KCNMA1: variants seen among roughly 807,000 people sequenced by gnomAD.
The protein encoded by KCNMA1 is Calcium-activated potassium channel subunit alpha-1.
A neutral mutation model predicts 140.0 loss-of-function variants in KCNMA1; 29 were observed. The observed-to-expected ratio is 0.21, with a 90% CI of 0.15 to 0.28. The LOEUF (loss-of-function observed/expected upper bound fraction) is 0.28, where lower values mean the gene tolerates loss of function less well. KCNMA1 is among the 10% of genes least tolerant of loss of function. The pLI, the probability that KCNMA1 is intolerant of heterozygous loss-of-function variation, is 1.00. For missense variants in KCNMA1, 880 were observed against 1,602.2 expected (o/e 0.55, Z 7.70); for synonymous variants, 612 against 611.9 (o/e 1.00, Z 0.00).
At chr10:77,460,344 A>G (rs1010059905) in intron 1 of KCNMA1, among the ~76,000 whole-genome samples, 2 of 152,190 alleles carry the variant, frequency 1.3e-5, no homozygotes, top group African/African-American at 4.8e-5. Context: ...TTTCTCAAAG[A>G]GCTCAAAATA....
intron 23 of KCNMA1, chr10:76,939,453 C>T (rs1357828771): frequency 6.6e-6 from 1 of 152,196 alleles, no homozygotes; most frequent in African/African-American, 2.4e-5. Flanking sequence ...TTCTCAATTC[C>T]TCAAAATACC....
chr10:77,409,683 A>G (rs533350802), intron 1 of KCNMA1, among the ~76,000 whole-genome samples: 1 of 152,244 alleles, frequency 6.6e-6, no homozygotes, highest in East Asian at 1.9e-4. Flanking sequence ...AGCACAGGAG[A>G]GCAAGCTTGT....
chr10:77,528,281 G>A (rs2056500604), intron 1 of KCNMA1, among the ~76,000 whole-genome samples: 1 of 152,112 alleles, frequency 6.6e-6, no homozygotes, highest in Admixed American at 6.5e-5. Context: ...CATTACCATA[G>A]GATCTAGCAA....
At chr10:76,975,988 A>G (rs2077388787) in intron 19 of KCNMA1, among the ~76,000 whole-genome samples, 1 of 152,142 alleles carries the variant, frequency 6.6e-6, no homozygotes, top group African/African-American at 2.4e-5. Context: ...TCTCAAACAT[A>G]TACACCTCTC....
intron 1 of KCNMA1, among the ~76,000 whole-genome samples, chr10:77,614,464 C>T (rs961408067): frequency 2.0e-5 from 3 of 152,202 alleles, no homozygotes; most frequent in African/African-American, 7.2e-5. Context: ...CGGGGCTCAT[C>T]GCCATCCCTC....
At chr10:77,264,030 G>T (rs949225221) in intron 2 of KCNMA1, among the ~76,000 whole-genome samples, 12 of 152,156 alleles carry the variant, frequency 7.9e-5, no homozygotes, top group African/African-American at 4.8e-5. Context: ...CCCGAATGAA[G>T]TAGAAAGTTT....
At chr10:77,568,808 G>A (rs1410898419) in intron 1 of KCNMA1, among the ~76,000 whole-genome samples, 4 of 151,482 alleles carry the variant, frequency 2.6e-5, no homozygotes, top group Admixed American at 6.6e-5. Context: ...CCTGTTTGCA[G>A]ATGACATGAT....
intron 15 of KCNMA1, among the ~76,000 whole-genome samples, chr10:77,034,513 G>A (rs1326061646): frequency 6.6e-6 from 1 of 152,192 alleles, no homozygotes; most frequent in African/African-American, 2.4e-5. Flanking sequence ...TCTTTTTAAA[G>A]ATCTGTCTGT....
chr10:77,535,608 C>T (rs1269935488), intron 1 of KCNMA1, among the ~76,000 whole-genome samples: 2 of 152,218 alleles, frequency 1.3e-5, no homozygotes, highest in African/African-American at 4.8e-5. Flanking sequence ...TATTGCAGCA[C>T]TCTTCACAAT....
intron 1 of KCNMA1, among the ~76,000 whole-genome samples, chr10:77,500,475 C>T (rs888692377): frequency 9.2e-5 from 14 of 152,092 alleles, no homozygotes; most frequent in African/African-American, 2.9e-4. Context: ...TAGTGAGACA[C>T]CATCTCTACC....
chr10:77,502,962 G>A lies in KCNMA1; in HGVS notation c.379-98939C>T, dbSNP rs576613184. Among the ~76,000 whole-genome samples the A allele has an allele frequency of 3.9e-5, 6 of 152,284 alleles. No homozygotes were observed. The East Asian group carries it at 9.7e-4, about 25-fold the overall frequency. ...CAATTTGGGTTTTTTGTTCAAGACCGCTCGGTGAGCTGAGTGTGGCGGCAC... is the reference window on the plus strand; with the variant it reads ...CAATTTGGGTTTTTTGTTCAAGACCACTCGGTGAGCTGAGTGTGGCGGCAC... On this transcript the variant is annotated intron_variant, in intron 1 of 27. Coordinates refer to ENST00000286628, the MANE Select transcript of KCNMA1 (RefSeq NM_001161352.2).
intron 14 of KCNMA1, among the ~76,000 whole-genome samples, chr10:77,046,141 T>A (rs894079610): frequency 6.6e-6 from 1 of 152,196 alleles, no homozygotes; most frequent in Non-Finnish European, 1.5e-5. Flanking sequence ...CTTACTACAT[T>A]TACTATTTTT....
At chr10:77,623,932 T>C (rs1340913523) in intron 1 of KCNMA1, among the ~76,000 whole-genome samples, 1 of 152,230 alleles carries the variant, frequency 6.6e-6, no homozygotes, top group Non-Finnish European at 1.5e-5. Context: ...TCCGGTAGCA[T>C]AATCGAATCG....
At chr10:76,902,838 A>C (rs956570267) in intron 25 of KCNMA1, 1 of 152,254 alleles carries the variant, frequency 6.6e-6, no homozygotes, top group Non-Finnish European at 1.5e-5. Flanking sequence ...GATTAGAGTT[A>C]AATGAGAGGA....
intron 23 of KCNMA1, among the ~76,000 whole-genome samples, chr10:76,934,401 G>T (rs1165007387): frequency 6.6e-6 from 1 of 152,226 alleles, no homozygotes; most frequent in African/African-American, 2.4e-5. Flanking sequence ...AGACAAAAAT[G>T]CACTGAATAG....
downstream of KCNMA1, chr10:76,873,493 G>C (rs2031775715): frequency 6.6e-6 from 1 of 152,210 alleles, no homozygotes; most frequent in Non-Finnish European, 1.5e-5. Context: ...AAGATTGTAA[G>C]TAAATTCTGT....
intron 9 of KCNMA1, among the ~76,000 whole-genome samples, chr10:77,100,082 C>T (rs1185157247): frequency 1.3e-5 from 2 of 152,326 alleles, no homozygotes; most frequent in African/African-American, 4.8e-5. Flanking sequence ...GACGCTCCTG[C>T]ATACTCAAGC....
At chr10:76,872,842 C>T (rs1432253327), downstream of KCNMA1, 1 of 152,160 alleles carries the variant, frequency 6.6e-6, no homozygotes, top group African/African-American at 2.4e-5. Context: ...ATATGCATGC[C>T]CATAACTCAT....
intron 1 of KCNMA1, among the ~76,000 whole-genome samples, chr10:77,447,005 G>A (rs1367215514): frequency 1.3e-5 from 2 of 152,222 alleles, no homozygotes; most frequent in African/African-American, 4.8e-5. Flanking sequence ...ATGCCATGGA[G>A]ATGTGCTGCC....
Sources: allele counts gnomAD v4.1 joint callset (sites outside exome capture counted in the v4.1 genomes callset), GRCh38; gene constraint gnomAD v4.1.1; transcripts MANE v1.5; gene names NCBI Gene and HGNC (gene_info 2026-07-23, HGNC 2026-07-21).